The following MIX23 variants were observed in gnomAD, a reference collection of about 807,000 sequenced individuals.
MIX23 encodes protein MIX23.
Under a neutral mutation model 21.6 loss-of-function variants are expected in MIX23, and 13 were observed. The ratio of observed to expected loss-of-function variants is 0.60; its 90% confidence interval spans 0.39 to 0.96. The LOEUF (loss-of-function observed/expected upper bound fraction) is 0.96, where lower values mean the gene tolerates loss of function less well. Among genes scored for constraint, MIX23 ranks in the 40% least tolerant of loss-of-function variants. MIX23 has a pLI of 0.00. For missense variants in MIX23, 144 were observed against 171.2 expected (o/e 0.84, Z 0.89); for synonymous variants, 59 against 58.0 (o/e 1.02, Z -0.08).
Position 122,363,098 on chromosome 3 carries a change from A to G in MIX23, c.325-71T>C, listed in dbSNP as rs376971421. ...AAAAAAAACTGAAGTTATAAAATTT[A>G]AAGAGCTAAAACCACACTCATGTTT... On this transcript the variant is annotated intron_variant, in intron 3 of 4. Coordinates refer to ENST00000291458, the MANE Select transcript of MIX23 (RefSeq NM_001017928.4). 1.4e-5 allele frequency: 19 copies of G among 1,320,696 alleles called. No individual in the cohort carries two copies. In the East Asian group the frequency reaches 4.3e-4, roughly 30 times the overall value. 81.8% of individuals were successfully genotyped at this position (1,320,696 alleles called of 1,614,324 possible). A position where few individuals can be genotyped will look rare whatever the true frequency, so the allele number is the denominator to read the frequency against.
At chr3:122,364,751 T>C (rs543634912) in intron 3 of MIX23, among the ~76,000 whole-genome samples, 1 of 152,074 alleles carries the variant, frequency 6.6e-6, no homozygotes, top group African/African-American at 2.4e-5. Context: ...ATGCAACAAA[T>C]ATGGAGTCCC....
intron 3 of MIX23, 60 bp from the exon 4 acceptor site, chr3:122,363,087 T>G: frequency 7.0e-7 from 1 of 1,430,330 alleles, no homozygotes; most frequent in Admixed American, 1.8e-5. Context: ...AAAACTGAAG[T>G]TATAAAATTT....
chr3:122,376,527 G>A (rs565159777), intron 1 of MIX23, among the ~76,000 whole-genome samples: 3 of 152,136 alleles, frequency 2.0e-5, no homozygotes, highest in South Asian at 2.1e-4. Flanking sequence ...TCTGAGGCAG[G>A]AGAATAGCTT....
chr3:122,365,966 G>A (rs1378491535), intron 3 of MIX23, among the ~76,000 whole-genome samples: 2 of 151,924 alleles, frequency 1.3e-5, no homozygotes, highest in East Asian at 3.9e-4. Flanking sequence ...ACAAGGTCAG[G>A]AGTTCGAGAC....
intron 2 of MIX23, among the ~76,000 whole-genome samples, chr3:122,368,949 T>C (rs2075417945): frequency 6.6e-6 from 1 of 152,232 alleles, no homozygotes; most frequent in Admixed American, 6.5e-5. Flanking sequence ...GTGTGCTTAT[T>C]GAAATTAAGG....
At chr3:122,381,516 T>G (rs1434471592) in intron 1 of MIX23, among the ~76,000 whole-genome samples, 1 of 151,958 alleles carries the variant, frequency 6.6e-6, no homozygotes, top group Non-Finnish European at 1.5e-5. Flanking sequence ...TCACCTGAGG[T>G]CTGGAGTTTG....
chr3:122,377,162 C>G (rs139509307), intron 1 of MIX23, among the ~76,000 whole-genome samples: 3 of 152,298 alleles, frequency 2.0e-5, no homozygotes, highest in Non-Finnish European at 4.4e-5. Context: ...GCCTGGGTGA[C>G]AAAGCGAGAC....
chr3:122,382,151 G>T (rs967806525), intron 1 of MIX23, among the ~76,000 whole-genome samples: 2 of 152,192 alleles, frequency 1.3e-5, no homozygotes, highest in Non-Finnish European at 2.9e-5. Context: ...ATATTTTACA[G>T]AAGTACTAAA....
chr3:122,372,374 G>A (rs911273141), intron 1 of MIX23, among the ~76,000 whole-genome samples: 6 of 152,030 alleles, frequency 3.9e-5, no homozygotes, highest in African/African-American at 9.7e-5. Flanking sequence ...CTAGAGAAAG[G>A]CTGGACATCA....
Position 122,359,878 on chromosome 3 carries a change from CT to C in MIX23, c.425del (p.Lys142ArgfsTer17). On this transcript the variant is annotated frameshift_variant, in exon 5 of 5. Transcript: ENST00000291458. LOFTEE classifies it high-confidence loss of function. ...ERCRIHFKPP[K>X]NE ...AAAAAAGAATCTCTCTTTATTCATT[CT>C]TTGGAGGCTTGAAGTGAATTCGGCA... The C allele has an allele frequency of 1.0e-6, 1 of 974,356 alleles. No individual in the cohort carries two copies. Among genetic ancestry groups the C allele is most frequent in the Non-Finnish European group, 1.5e-6 (1 of 688,188 alleles). The allele number at this position is 974,356 out of a possible 1,614,324, so 60.4% of individuals were successfully genotyped here.
At position 122,359,854 on chromosome 3, in the gene MIX23, A is replaced by AAAAAAAAAAAT; in HGVS notation, c.*14_*15insATTTTTTTTTT. On this transcript the variant is annotated 3_prime_UTR_variant, in exon 5 of 5. Coordinates refer to ENST00000291458, the MANE Select transcript of MIX23 (RefSeq NM_001017928.4). ...TTAAAAAAAAAAAAAAAAAAAAAAA[A>AAAAAAAAAAAT]AAAAGAATCTCTCTTTATTCATTCT... 1 of 1,433,552 alleles carries AAAAAAAAAAAT rather than the reference A, an allele frequency of 7.0e-7. No homozygotes were observed. Among genetic ancestry groups the AAAAAAAAAAAT allele is most frequent in the Non-Finnish European group, 9.2e-7 (1 of 1,082,040 alleles). 88.8% of individuals were successfully genotyped at this position (1,433,552 alleles called of 1,614,324 possible). A position where few individuals can be genotyped will look rare whatever the true frequency, so the allele number is the denominator to read the frequency against.
At chr3:122,375,644 TTA>T (rs924844618) in intron 1 of MIX23, among the ~76,000 whole-genome samples, 3 of 152,202 alleles carry the variant, frequency 2.0e-5, no homozygotes, top group Non-Finnish European at 4.4e-5. Context: ...TTCTTTTGTG[TTA>T]TGTTTAAAAT....
intron 2 of MIX23, among the ~76,000 whole-genome samples, chr3:122,368,821 A>G (rs932056539): frequency 5.3e-5 from 8 of 152,222 alleles, no homozygotes; most frequent in African/African-American, 1.9e-4. Context: ...ATTACAATAA[A>G]TAACAAAGAA....
At chr3:122,379,714 G>T (rs1414645535) in intron 1 of MIX23, among the ~76,000 whole-genome samples, 1 of 152,174 alleles carries the variant, frequency 6.6e-6, no homozygotes, top group Non-Finnish European at 1.5e-5. Flanking sequence ...AATACACACA[G>T]TTCAATGGTT....
At chr3:122,382,442 T>TTAATTA (rs1262634807) in intron 1 of MIX23, among the ~76,000 whole-genome samples, 1 of 152,230 alleles carries the variant, frequency 6.6e-6, no homozygotes, top group Admixed American at 6.5e-5. Context: ...AATTTTTCAG[T>TTAATTA]ATCTTGGGTT....
At chr3:122,370,198 T>C (rs2075430192) in intron 2 of MIX23, among the ~76,000 whole-genome samples, 1 of 151,384 alleles carries the variant, frequency 6.6e-6, no homozygotes, top group African/African-American at 2.4e-5. Context: ...ACGCCTGTAA[T>C]CCCAGCACTC....
In MIX23 at chr3:122,380,919, A is replaced by G. The variant is rs187305501; in HGVS notation, c.51+2255T>C. 3.3e-3 allele frequency among the ~76,000 whole-genome samples: 507 copies of G among 152,266 alleles called. 2 individuals carry two copies. The highest frequency in any genetic ancestry group is 5.5e-3 in the Non-Finnish European group (371 of 68,006). ...ATCTTCCTAAAGCACCTCTTCGATC[A>G]TCTCACCCCTCTGCCCAAAAAGGAC... On this transcript the variant is annotated intron_variant, in intron 1 of 4. Transcript: ENST00000291458.
intron 2 of MIX23, among the ~76,000 whole-genome samples, chr3:122,370,534 G>C (rs1239447566): frequency 6.6e-6 from 1 of 150,992 alleles, no homozygotes; most frequent in African/African-American, 2.4e-5. Flanking sequence ...GGAGGTAGCA[G>C]ATGTGAGATT....
chr3:122,374,472 A>G (rs888620880), intron 1 of MIX23, among the ~76,000 whole-genome samples: 10 of 152,212 alleles, frequency 6.6e-5, no homozygotes, highest in Admixed American at 5.2e-4. Context: ...ACTTTAAATA[A>G]TCTCTAGATT....
Sources: gnomAD v4.1 joint callset for allele counts (sites outside exome capture counted in the v4.1 genomes callset) on GRCh38, gnomAD v4.1.1 for gene constraint, MANE v1.5 for transcripts, NCBI Gene and HGNC (gene_info 2026-07-23, HGNC 2026-07-21) for gene names.